STPG2: variants seen among roughly 807,000 people sequenced by gnomAD.
STPG2 encodes sperm tail PG-rich repeat containing 2, also known as sperm-tail PG-rich repeat-containing protein 2.
A neutral mutation model predicts 54.2 loss-of-function variants in STPG2; 56 were observed. The observed-to-expected ratio is 1.03, with a 90% CI of 0.83 to 1.29. The LOEUF (loss-of-function observed/expected upper bound fraction) is 1.29, where lower values mean the gene tolerates loss of function less well. Ranked by LOEUF, STPG2 falls within the 50% of genes most tolerant of loss-of-function variation. The probability of loss-of-function intolerance (pLI) is 0.00; values close to 1 mark genes in which losing one functional copy is unlikely to be tolerated. For missense variants in STPG2, 596 were observed against 544.9 expected, an observed-to-expected ratio of 1.09 and a Z score of -0.93; for synonymous variants, 200 against 181.8, an observed-to-expected ratio of 1.10 and a Z score of -0.81.
chr4:97,911,200 A>G (rs1731665775), intron 8 of STPG2, among the ~76,000 whole-genome samples: 1 of 152,262 alleles, frequency 6.6e-6, no homozygotes, highest in South Asian at 2.1e-4. Flanking sequence ...TGAAAAGCAC[A>G]GAGCTGTGCA....
intron 10 of STPG2, among the ~76,000 whole-genome samples, chr4:97,660,007 T>C (rs1287592518): frequency 6.7e-6 from 1 of 150,262 alleles, no homozygotes; most frequent in East Asian, 1.9e-4. Flanking sequence ...TTTCTTTCTT[T>C]TTTTTTTTTT....
intron 5 of STPG2, among the ~76,000 whole-genome samples, chr4:98,069,024 C>A (rs930186797): frequency 6.6e-6 from 1 of 152,046 alleles, no homozygotes; most frequent in South Asian, 2.1e-4. Context: ...GGGTGACAAC[C>A]ACTTTATGCC....
At chr4:97,707,514 C>T (rs1393422941) in intron 10 of STPG2, among the ~76,000 whole-genome samples, 1 of 151,900 alleles carries the variant, frequency 6.6e-6, no homozygotes, top group Admixed American at 6.6e-5. Context: ...GAGTGAGACC[C>T]TGTCTCAAAA....
At chr4:97,680,657 C>G (rs1033094932) in intron 10 of STPG2, among the ~76,000 whole-genome samples, 3 of 152,016 alleles carry the variant, frequency 2.0e-5, no homozygotes, top group African/African-American at 7.2e-5. Context: ...CCAGAACTTC[C>G]AACACTATAT....
intron 9 of STPG2, among the ~76,000 whole-genome samples, chr4:97,730,554 T>C (rs985359030): frequency 3.3e-5 from 5 of 152,156 alleles, no homozygotes; most frequent in African/African-American, 1.2e-4. Context: ...GTAGTTCAAC[T>C]CTTAGTTCCT....
At chr4:97,914,407 A>G (rs979431238) in intron 8 of STPG2, among the ~76,000 whole-genome samples, 1 of 152,184 alleles carries the variant, frequency 6.6e-6, no homozygotes, top group Non-Finnish European at 1.5e-5. Context: ...GGTCATGAAA[A>G]GATTTTTTTT....
intron 8 of STPG2, among the ~76,000 whole-genome samples, chr4:97,941,376 A>C (rs992829268): frequency 1.3e-5 from 2 of 152,118 alleles, no homozygotes; most frequent in Non-Finnish European, 2.9e-5. Flanking sequence ...GCTTGAAACA[A>C]CTTTCTGTTT....
chr4:97,543,148 T>A (rs1039804257), intron 4 of STPG2, among the ~76,000 whole-genome samples: 3 of 150,496 alleles, frequency 2.0e-5, no homozygotes, highest in Admixed American at 2.0e-4. Context: ...TAAATAATAA[T>A]AAAAAAATAA....
intron 9 of STPG2, among the ~76,000 whole-genome samples, chr4:97,768,595 A>T (rs1726128189): frequency 6.6e-6 from 1 of 152,208 alleles, no homozygotes; most frequent in South Asian, 2.1e-4. Flanking sequence ...AGTAATAGGA[A>T]GGTGTAGTTT....
At chr4:97,607,881 C>G (rs538321257) in intron 10 of STPG2, among the ~76,000 whole-genome samples, 43 of 152,044 alleles carry the variant, frequency 2.8e-4, no homozygotes, top group African/African-American at 1.0e-3. Context: ...TAGGAAAGAG[C>G]CCCTAGACCC....
At chr4:97,623,314 A>G (rs1419808563) in intron 10 of STPG2, among the ~76,000 whole-genome samples, 3 of 152,124 alleles carry the variant, frequency 2.0e-5, no homozygotes, top group African/African-American at 7.2e-5. Flanking sequence ...ATCTATGGAC[A>G]ACATGAAAAA....
intron 8 of STPG2, among the ~76,000 whole-genome samples, chr4:97,879,917 T>A (rs1730309454): frequency 6.6e-6 from 1 of 152,084 alleles, no homozygotes; most frequent in Admixed American, 6.6e-5. Flanking sequence ...AAAAATAGAG[T>A]TACCATATTA....
At chr4:98,036,660 G>C (rs1284645414) in intron 5 of STPG2, among the ~76,000 whole-genome samples, 2 of 151,672 alleles carry the variant, frequency 1.3e-5, no homozygotes, top group Non-Finnish European at 2.9e-5. Context: ...TTCAGAGGGT[G>C]GAGGGTGGGA....
intron 5 of STPG2, among the ~76,000 whole-genome samples, chr4:98,049,810 C>T (rs1737258474): frequency 1.3e-5 from 2 of 152,028 alleles, no homozygotes; most frequent in Non-Finnish European, 2.9e-5. Context: ...AGAGAGAAAA[C>T]AAACATTTAT....
chr4:97,678,496 T>G (rs1372374576), intron 10 of STPG2, among the ~76,000 whole-genome samples: 3 of 152,168 alleles, frequency 2.0e-5, no homozygotes, highest in Non-Finnish European at 4.4e-5. Flanking sequence ...TTAAACAATG[T>G]AATCAGCACT....
chr4:97,751,842 C>A (rs1725590585), intron 9 of STPG2, among the ~76,000 whole-genome samples: 2 of 151,816 alleles, frequency 1.3e-5, no homozygotes, highest in African/African-American at 2.4e-5. Flanking sequence ...CACCTAATTA[C>A]TAATTAGGAC....
chr4:97,464,100 T>C (rs1457039348), intron 4 of STPG2, among the ~76,000 whole-genome samples: 2 of 152,184 alleles, frequency 1.3e-5, no homozygotes, highest in African/African-American at 4.8e-5. Flanking sequence ...TATATGGACA[T>C]GAGTTTTCTA....
intron 10 of STPG2, among the ~76,000 whole-genome samples, chr4:97,632,077 T>C (rs1721300496): frequency 6.6e-6 from 1 of 152,030 alleles, no homozygotes; most frequent in South Asian, 2.1e-4. Context: ...AAATACTCCT[T>C]AATCTAGGCA....
chr4:97,548,363 A>G (rs1397226514), intron 4 of STPG2, among the ~76,000 whole-genome samples: 1 of 152,120 alleles, frequency 6.6e-6, no homozygotes, highest in African/African-American at 2.4e-5. Flanking sequence ...ACAAAAAACG[A>G]AACAAAACAA....
Sources: allele counts gnomAD v4.1 joint callset (sites outside exome capture counted in the v4.1 genomes callset), GRCh38; gene constraint gnomAD v4.1.1; transcripts MANE v1.5; gene names NCBI Gene and HGNC (gene_info 2026-07-23, HGNC 2026-07-21).